The following GALNT17 variants were observed in gnomAD, a reference collection of about 807,000 sequenced individuals.
GALNT17 encodes polypeptide N-acetylgalactosaminyltransferase 17, also known as UDP-GalNAc:polypeptide N-acetylgalactosaminyltransferase-like 3.
GALNT17 carries 29 observed loss-of-function variants against 63.7 expected under a neutral mutation model. The ratio of observed to expected loss-of-function variants is 0.46; its 90% CI spans 0.34 to 0.62. The LOEUF (loss-of-function observed/expected upper bound fraction) is 0.62. Ranked by LOEUF, GALNT17 falls within the 20% of genes least tolerant of loss-of-function variation. GALNT17 has a pLI of 0.01. For synonymous variants in GALNT17, 305 were observed against 318.3 expected, an observed-to-expected ratio of 0.96 and a Z score of 0.45; for missense variants, 603 against 799.6, an observed-to-expected ratio of 0.75 and a Z score of 2.97.
intron 1 of GALNT17, among the ~76,000 whole-genome samples, chr7:71,156,242 T>A (rs985617498): frequency 6.6e-6 from 1 of 151,668 alleles, no homozygotes; most frequent in Non-Finnish European, 1.5e-5. Context: ...ACATCGTGCC[T>A]GTAGCTTGAA....
intron 9 of GALNT17, among the ~76,000 whole-genome samples, chr7:71,708,240 G>A (rs1318609395): frequency 1.3e-5 from 2 of 152,172 alleles, no homozygotes; most frequent in African/African-American, 4.8e-5. Flanking sequence ...AAGAAAAAGA[G>A]GTTTTAATGG....
intron 5 of GALNT17, among the ~76,000 whole-genome samples, chr7:71,538,387 A>G (rs559667528): frequency 1.3e-5 from 2 of 152,008 alleles, no homozygotes; most frequent in South Asian, 4.2e-4. Flanking sequence ...ACGCAACATC[A>G]CCCCCTGCAC....
intron 1 of GALNT17, among the ~76,000 whole-genome samples, chr7:71,157,353 T>TA (rs763344973): frequency 1.1e-4 from 16 of 151,452 alleles, no homozygotes; most frequent in East Asian, 9.7e-4. Flanking sequence ...TTAAAAACTT[T>TA]AAAAAAATTG....
intron 1 of GALNT17, among the ~76,000 whole-genome samples, chr7:71,263,791 G>A (rs1328717400): frequency 6.6e-6 from 1 of 152,058 alleles, no homozygotes; most frequent in Non-Finnish European, 1.5e-5. Context: ...CGGCGTGGTG[G>A]CAGGCGCCTG....
At chr7:71,521,596 C>A (rs1230545053) in intron 5 of GALNT17, among the ~76,000 whole-genome samples, 1 of 152,224 alleles carries the variant, frequency 6.6e-6, no homozygotes, top group African/African-American at 2.4e-5. Context: ...TGACTGAACG[C>A]AGTTCTGAGC....
intron 2 of GALNT17, among the ~76,000 whole-genome samples, chr7:71,368,578 C>A (rs1284982920): frequency 6.6e-6 from 1 of 152,144 alleles, no homozygotes; most frequent in Non-Finnish European, 1.5e-5. Context: ...GCAGGATGAA[C>A]AAACGTCTCT....
intron 6 of GALNT17, among the ~76,000 whole-genome samples, chr7:71,583,180 C>T (rs775821497): frequency 6.6e-5 from 10 of 152,120 alleles, no homozygotes; most frequent in Admixed American, 2.0e-4. Flanking sequence ...CTGCAACCTC[C>T]GCCTCCCAGG....
At chr7:71,392,815 A>G (rs557536946) in intron 3 of GALNT17, among the ~76,000 whole-genome samples, 52 of 147,150 alleles carry the variant, frequency 3.5e-4, no homozygotes, top group African/African-American at 1.1e-3. Context: ...TCTGTTCTCT[A>G]TGTTTTTTCC....
chr7:71,206,446 G>A (rs1283602441), intron 1 of GALNT17, among the ~76,000 whole-genome samples: 1 of 152,084 alleles, frequency 6.6e-6, no homozygotes, highest in East Asian at 1.9e-4. Context: ...GAGCTCTCTT[G>A]AGAGTGGAGG....
At chr7:71,246,109 T>C (rs1389249217) in intron 1 of GALNT17, among the ~76,000 whole-genome samples, 1 of 143,690 alleles carries the variant, frequency 7.0e-6, no homozygotes, top group Non-Finnish European at 1.5e-5. Flanking sequence ...CATAGCTTTT[T>C]TCGTTGTTTT....
chr7:71,318,846 A>G (rs1417790076), intron 1 of GALNT17, among the ~76,000 whole-genome samples: 1 of 152,142 alleles, frequency 6.6e-6, no homozygotes, highest in African/African-American at 2.4e-5. Flanking sequence ...TCTCCTCCCA[A>G]GAACAATAAA....
chr7:71,399,383 G>A (rs1793200668), intron 3 of GALNT17, among the ~76,000 whole-genome samples: 1 of 152,176 alleles, frequency 6.6e-6, no homozygotes, highest in African/African-American at 2.4e-5. Context: ...ATTGCCTCTT[G>A]AGTGTCCTCT....
intron 5 of GALNT17, among the ~76,000 whole-genome samples, chr7:71,545,708 T>C (rs1562684916): frequency 6.6e-6 from 1 of 152,198 alleles, no homozygotes; most frequent in Non-Finnish European, 1.5e-5. Context: ...ATGGTTCTAT[T>C]ATGTCAAGTT....
chr7:71,576,328 A>G (rs1435182616), intron 6 of GALNT17, among the ~76,000 whole-genome samples: 1 of 152,214 alleles, frequency 6.6e-6, no homozygotes, highest in African/African-American at 2.4e-5. Context: ...TGAATTGTGA[A>G]AACACTTGTG....
chr7:71,273,412 G>A (rs963325119), intron 1 of GALNT17, among the ~76,000 whole-genome samples: 3 of 152,224 alleles, frequency 2.0e-5, no homozygotes, highest in African/African-American at 7.2e-5. Flanking sequence ...AGAAATGGAA[G>A]ATAATGAAAT....
intron 2 of GALNT17, 99 bp from the exon 3 acceptor site, chr7:71,388,136 T>C (rs908852206): frequency 7.5e-7 from 1 of 1,327,988 alleles, no homozygotes; most frequent in African/African-American, 1.4e-5. Flanking sequence ...TTGGGACGAC[T>C]GGATGAGGAT....
At chr7:71,443,613 G>A (rs1787108424) in intron 5 of GALNT17, among the ~76,000 whole-genome samples, 1 of 152,134 alleles carries the variant, frequency 6.6e-6, no homozygotes, top group Admixed American at 6.6e-5. Flanking sequence ...ATGAGTGGAA[G>A]CTGCCTCAGG....
At chr7:71,477,507 A>G (rs1198255028) in intron 5 of GALNT17, among the ~76,000 whole-genome samples, 1 of 152,160 alleles carries the variant, frequency 6.6e-6, no homozygotes, top group Non-Finnish European at 1.5e-5. Flanking sequence ...ATGAAATGGA[A>G]AAATGTGTGG....
Position 71,448,765 on chromosome 7 carries a change from T to C in GALNT17, c.962+27660T>C, listed in dbSNP as rs186664943. Among the ~76,000 whole-genome samples the C allele has an allele frequency of 2.8e-4, 43 of 152,306 alleles. 5 individuals carry two copies. In the East Asian group the frequency reaches 2.9e-3, roughly 10 times the overall value. Reference sequence around the variant, plus strand: ...TACTATTTGATTCTTTTTATATAAATTTCAATTCCAAACTCATCAAGTTGT... The same window carrying C: ...TACTATTTGATTCTTTTTATATAAACTTCAATTCCAAACTCATCAAGTTGT... On this transcript the variant is annotated intron_variant, in intron 5 of 10. Coordinates refer to ENST00000333538, the MANE Select transcript of GALNT17 (RefSeq NM_022479.3).
Sources: gnomAD v4.1 joint callset for allele counts (sites outside exome capture counted in the v4.1 genomes callset) on GRCh38, gnomAD v4.1.1 for gene constraint, MANE v1.5 for transcripts, NCBI Gene and HGNC (gene_info 2026-07-23, HGNC 2026-07-21) for gene names.